Variants in HS3ST4 observed in about 807,000 individuals in gnomAD.
HS3ST4 encodes heparan sulfate-glucosamine 3-sulfotransferase 4, also known as heparan sulfate glucosamine 3-O-sulfotransferase 4.
Under a neutral mutation model 29.2 loss-of-function variants are expected in HS3ST4, and 17 were observed. That is an observed-to-expected ratio of 0.58 (90% confidence interval 0.40 to 0.87). The LOEUF is 0.87. Ranked by LOEUF, HS3ST4 falls within the 40% of genes least tolerant of loss-of-function variation. The pLI is 0.00. For missense variants in HS3ST4, 627 were observed against 634.5 expected (o/e 0.99, Z 0.13); for synonymous variants, 314 against 285.7 (o/e 1.10, Z -1.00).
intron 1 of HS3ST4, among the ~76,000 whole-genome samples, chr16:25,774,116 G>A (rs185001645): frequency 6.1e-4 from 93 of 152,328 alleles, no homozygotes; most frequent in African/African-American, 2.1e-3. Context: ...GCCCATGCAG[G>A]TAAATAAGTA....
At chr16:25,792,246 C>T (rs1002285838) in intron 1 of HS3ST4, among the ~76,000 whole-genome samples, 4 of 151,656 alleles carry the variant, frequency 2.6e-5, no homozygotes, top group Non-Finnish European at 5.9e-5. Context: ...AGAGATTAAT[C>T]TGTAGTGTTT....
In HS3ST4 at chr16:26,020,965, T is replaced by C. The variant is rs188722244; in HGVS notation, c.735-114647T>C. On this transcript the variant is annotated intron_variant, in intron 1 of 1. Transcript: ENST00000331351. ...GGGGATGGTTGGTAAGAATGGTTCT[T>C]GCCTCATAAAGGAATAGATGCATCC... Among the ~76,000 whole-genome samples, 10 of 152,348 alleles carry C rather than the reference T, an allele frequency of 6.6e-5. No homozygotes were observed. The East Asian group carries it at 1.7e-3, about 26-fold the overall frequency.
intron 1 of HS3ST4, among the ~76,000 whole-genome samples, chr16:26,120,063 G>GTGTGTGTATGTGTGTGTGTGTA (rs1567316619): frequency 1.6e-4 from 21 of 130,420 alleles, no homozygotes; most frequent in Non-Finnish European, 2.6e-4. Context: ...GTGTGTGTGT[G>GTGTGTGTATGTGTGTGTGTGTA]TGTGTGTATG....
At chr16:25,802,955 G>A (rs1966953906) in intron 1 of HS3ST4, among the ~76,000 whole-genome samples, 3 of 145,030 alleles carry the variant, frequency 2.1e-5, no homozygotes, top group Admixed American at 2.1e-4. Context: ...GTGTGTGTGT[G>A]TGTGTGTGTA....
At chr16:25,753,995 A>G (rs975415152) in intron 1 of HS3ST4, among the ~76,000 whole-genome samples, 4 of 152,208 alleles carry the variant, frequency 2.6e-5, no homozygotes, top group Non-Finnish European at 4.4e-5. Flanking sequence ...GTAATTTAAG[A>G]CAGCCAGAAT....
rs1899342685 is a variant in HS3ST4 at position 26,126,288 on chromosome 16, T to A, written c.735-9324T>A. On this transcript the variant is annotated intron_variant, in intron 1 of 1. Coordinates refer to ENST00000331351, the MANE Select transcript of HS3ST4 (RefSeq NM_006040.3). ...AGGAATTTTCCCATATCCAGAGCTCTGTGTTAAGCAATCTCAGATATTTGC... is the reference window on the plus strand; with the variant it reads ...AGGAATTTTCCCATATCCAGAGCTCAGTGTTAAGCAATCTCAGATATTTGC... 1.3e-5 allele frequency among the ~76,000 whole-genome samples: 2 copies of A among 152,174 alleles called. 1 individual carries two copies. The highest frequency in any genetic ancestry group is 4.1e-4 in the South Asian group (2 of 4,820).
At chr16:25,928,300 G>A (rs1166823122) in intron 1 of HS3ST4, among the ~76,000 whole-genome samples, 2 of 152,028 alleles carry the variant, frequency 1.3e-5, no homozygotes, top group East Asian at 3.9e-4. Context: ...ACAAGTTCAA[G>A]GCTACAGTGA....
intron 1 of HS3ST4, among the ~76,000 whole-genome samples, chr16:25,878,913 G>C (rs897147262): frequency 6.6e-6 from 1 of 152,120 alleles, no homozygotes; most frequent in African/African-American, 2.4e-5. Flanking sequence ...TATGGTTCCT[G>C]GTAGTGGGCT....
intron 1 of HS3ST4, among the ~76,000 whole-genome samples, chr16:26,011,968 C>T (rs1969315258): frequency 6.6e-6 from 1 of 152,180 alleles, no homozygotes; most frequent in Non-Finnish European, 1.5e-5. Flanking sequence ...ATGGCCTTTG[C>T]AGTTTCTGGA....
At chr16:25,744,219 T>C (rs1415929767) in intron 1 of HS3ST4, among the ~76,000 whole-genome samples, 1 of 152,214 alleles carries the variant, frequency 6.6e-6, no homozygotes, top group African/African-American at 2.4e-5. Flanking sequence ...TGACTAATAT[T>C]GAGTAAAGTG....
intron 1 of HS3ST4, among the ~76,000 whole-genome samples, chr16:25,929,286 G>A (rs1968440528): frequency 6.6e-6 from 1 of 151,900 alleles, no homozygotes; most frequent in South Asian, 2.1e-4. Flanking sequence ...GGAGGCTCAG[G>A]CAGGAGAATC....
chr16:25,772,513 T>G (rs1414384030), intron 1 of HS3ST4, among the ~76,000 whole-genome samples: 1 of 152,218 alleles, frequency 6.6e-6, no homozygotes, highest in East Asian at 1.9e-4. Flanking sequence ...AGAGTTTTAA[T>G]GGGTTGATCC....
intron 1 of HS3ST4, among the ~76,000 whole-genome samples, chr16:26,032,020 G>A (rs1969535710): frequency 6.6e-6 from 1 of 152,176 alleles, no homozygotes; most frequent in Admixed American, 6.5e-5. Flanking sequence ...TTTATCTGAA[G>A]ATCCACAATC....
intron 1 of HS3ST4, among the ~76,000 whole-genome samples, chr16:25,789,807 G>A (rs559802711): frequency 1.3e-5 from 2 of 152,078 alleles, no homozygotes; most frequent in South Asian, 2.1e-4. Context: ...CTGCCTATTC[G>A]AACTTCATAT....
chr16:25,827,993 C>T (rs1171623007), intron 1 of HS3ST4, among the ~76,000 whole-genome samples: 2 of 151,420 alleles, frequency 1.3e-5, no homozygotes, highest in Non-Finnish European at 2.9e-5. Flanking sequence ...TTTTTTTTAA[C>T]TTCTATTTTA....
At chr16:25,993,819 A>C (rs879688845) in intron 1 of HS3ST4, among the ~76,000 whole-genome samples, 4 of 152,038 alleles carry the variant, frequency 2.6e-5, no homozygotes, top group Non-Finnish European at 5.9e-5. Flanking sequence ...CTTAAATAGG[A>C]GCCATTTATT....
intron 1 of HS3ST4, among the ~76,000 whole-genome samples, chr16:26,033,176 C>T (rs1039480329): frequency 2.6e-5 from 4 of 152,056 alleles, no homozygotes; most frequent in Non-Finnish European, 5.9e-5. Context: ...CTCAGGAGTT[C>T]GAGACCAGCC....
At chr16:25,782,475 A>AT (rs1966853526) in intron 1 of HS3ST4, among the ~76,000 whole-genome samples, 1 of 152,114 alleles carries the variant, frequency 6.6e-6, no homozygotes, top group Admixed American at 6.5e-5. Flanking sequence ...TCATGCTTGC[A>AT]TTTTTTCCAC....
chr16:25,790,277 G>C (rs1364517358), intron 1 of HS3ST4, among the ~76,000 whole-genome samples: 1 of 152,110 alleles, frequency 6.6e-6, no homozygotes, highest in Non-Finnish European at 1.5e-5. Flanking sequence ...GGATGTGATG[G>C]CAGGTGCCTG....
Sources: allele counts gnomAD v4.1 joint callset (sites outside exome capture counted in the v4.1 genomes callset), GRCh38; gene constraint gnomAD v4.1.1; transcripts MANE v1.5; gene names NCBI Gene and HGNC (gene_info 2026-07-23, HGNC 2026-07-21).